DSCAM: variants seen among roughly 807,000 people sequenced by gnomAD.
DSCAM encodes the protein cell adhesion molecule DSCAM.
A neutral mutation model predicts 217.7 loss-of-function variants in DSCAM; 47 were observed. The ratio of observed to expected loss-of-function variants is 0.22; its 90% CI spans 0.17 to 0.28. The LOEUF (loss-of-function observed/expected upper bound fraction) is 0.28, where lower values mean the gene tolerates loss of function less well. Ranked by LOEUF, DSCAM falls within the 10% of genes least tolerant of loss-of-function variation. The pLI is 1.00. For synonymous variants in DSCAM, 1,056 were observed against 1,015.3 expected (o/e 1.04, Z -0.76); for missense variants, 2,080 against 2,618.3 (o/e 0.79, Z 4.49).
At chr21:40,363,864 A>G (rs1025295859) in intron 4 of DSCAM, among the ~76,000 whole-genome samples, 4 of 152,216 alleles carry the variant, frequency 2.6e-5, no homozygotes, top group South Asian at 2.1e-4. Context: ...ACAAGTGGGC[A>G]AAGGATATGA....
intron 27 of DSCAM, among the ~76,000 whole-genome samples, chr21:40,074,079 T>A (rs1274509010): frequency 6.6e-6 from 1 of 152,248 alleles, no homozygotes; most frequent in Non-Finnish European, 1.5e-5. Context: ...TACCATGTTC[T>A]CTGCTCTAAG....
rs191700838 is a variant in DSCAM at position 40,666,113 on chromosome 21, A to T, written c.508+26697T>A. Among the ~76,000 whole-genome samples the T allele has an allele frequency of 7.2e-5, 11 of 152,246 alleles. 1 individual carries two copies. In the South Asian group the frequency reaches 1.9e-3, roughly 26 times the overall value. On this transcript the variant is annotated intron_variant, in intron 3 of 32. Transcript: ENST00000400454. The stretch of plus-strand genomic sequence containing the variant: ...AACAATTTAATGGTAACCTGAGGAG[A>T]CCAACCACATCTCCAGCATGCCAGG...
intron 3 of DSCAM, among the ~76,000 whole-genome samples, chr21:40,528,512 T>C (rs2076417677): frequency 6.6e-6 from 1 of 152,204 alleles, no homozygotes; most frequent in South Asian, 2.1e-4. Flanking sequence ...TTCCAGTAAA[T>C]ACTGGATATT....
intron 3 of DSCAM, among the ~76,000 whole-genome samples, chr21:40,487,258 T>C (rs994099546): frequency 8.8e-5 from 13 of 147,418 alleles, no homozygotes; most frequent in East Asian, 2.0e-4. Flanking sequence ...TTTCTCTCCC[T>C]CTCTCTCTCT....
At chr21:40,585,325 G>T (rs2076937037) in intron 3 of DSCAM, among the ~76,000 whole-genome samples, 1 of 56,576 alleles carries the variant, frequency 1.8e-5, no homozygotes, top group Non-Finnish European at 4.4e-5. Flanking sequence ...GAGTGTTAAA[G>T]AAAAATGCTG....
rs2074144975 is a variant in DSCAM at position 40,312,097 on chromosome 21, G to C, written c.2046C>G (p.Ser682Arg). The C allele has an allele frequency of 6.2e-7, 1 of 1,613,880 alleles. No individual in the cohort carries two copies. The highest frequency in any genetic ancestry group is 8.5e-7 in the Non-Finnish European group (1 of 1,179,840). ...TTTGCTCACCTCTGACAATCAACTG[G>C]CTTTGGTGCTCCACAGCGGCGGCCT... is the stretch of plus-strand genomic sequence containing the variant. ...RNEAAAVEHQ[S>R]QLIVRVPPKF... Residue 682 changes from serine (S) to arginine (R), a missense_variant, in exon 9 of 33, where the codon AGC (serine) becomes AGG (arginine). Around this residue, in one of 5 missense-constraint regions of DSCAM, gnomAD observed 218 missense variants for 364.1 expected, o/e 0.60. Transcript: ENST00000400454.
In DSCAM at chr21:40,553,685, C is replaced by T. The variant is rs2837703; in HGVS notation, c.508+139125G>A. Among the ~76,000 whole-genome samples, 8 of 152,244 alleles carry T rather than the reference C, an allele frequency of 5.3e-5. No individual in the cohort carries two copies. In the East Asian group the frequency reaches 1.2e-3, roughly 22 times the overall value. ...CTCTTCATTCCCAAGATAACACATC[C>T]GTTTGCACCCAAAAGTATATTGCAA... On this transcript the variant is annotated intron_variant, in intron 3 of 32. Coordinates refer to ENST00000400454, the MANE Select transcript of DSCAM (RefSeq NM_001389.5).
At chr21:40,676,698 A>G (rs2090344083) in intron 3 of DSCAM, among the ~76,000 whole-genome samples, 1 of 152,204 alleles carries the variant, frequency 6.6e-6, no homozygotes, top group Admixed American at 6.5e-5. Context: ...GAATTTACTG[A>G]CCTTGAATAA....
intron 16 of DSCAM, among the ~76,000 whole-genome samples, chr21:40,157,268 C>T (rs1177607629): frequency 6.6e-6 from 1 of 152,190 alleles, no homozygotes. Context: ...ACTGCAGGGC[C>T]TACAAAGCTG....
intron 3 of DSCAM, among the ~76,000 whole-genome samples, chr21:40,552,766 T>A (rs554405902): frequency 3.0e-4 from 45 of 152,240 alleles, no homozygotes; most frequent in Non-Finnish European, 5.6e-4. Flanking sequence ...TATTTTCACC[T>A]ACCTTCATGA....
intron 3 of DSCAM, among the ~76,000 whole-genome samples, chr21:40,500,064 G>A (rs1048700103): frequency 4.6e-5 from 7 of 152,090 alleles, no homozygotes; most frequent in Admixed American, 1.3e-4. Flanking sequence ...CAGGCGTCAG[G>A]CGTGAGCCAC....
At chr21:40,529,432 T>G (rs2146105191) in intron 3 of DSCAM, among the ~76,000 whole-genome samples, 1 of 152,312 alleles carries the variant, frequency 6.6e-6, no homozygotes, top group South Asian at 2.1e-4. Context: ...TTGTGTTTAT[T>G]AGGAGCAACC....
In DSCAM at chr21:40,412,786, TG is replaced by T. The variant is rs2075335022; in HGVS notation, c.509-43542del. Among the ~76,000 whole-genome samples, 12 of 152,294 alleles carry T rather than the reference TG, an allele frequency of 7.9e-5. No individual in the cohort carries two copies. In the South Asian group the frequency reaches 2.5e-3, roughly 32 times the overall value. On this transcript the variant is annotated intron_variant, in intron 3 of 32. Transcript: ENST00000400454. Reference sequence around the variant, plus strand: ...TTTGAATAAGTAACTAGGAGCCAAATGTTAATCCCCAAGACAATGGGGAAAA... The same window carrying T: ...TTTGAATAAGTAACTAGGAGCCAAATTTAATCCCCAAGACAATGGGGAAAA...
intron 30 of DSCAM, among the ~76,000 whole-genome samples, chr21:40,047,884 A>C (rs529188738): frequency 4.6e-5 from 7 of 152,142 alleles, no homozygotes; most frequent in Non-Finnish European, 1.0e-4. Flanking sequence ...TTTTTCTTTC[A>C]AAGTCTCAGC....
At chr21:40,131,948 A>G (rs2090158424) in intron 19 of DSCAM, among the ~76,000 whole-genome samples, 1 of 152,216 alleles carries the variant, frequency 6.6e-6, no homozygotes, top group South Asian at 2.1e-4. Context: ...CTCCAATATT[A>G]ATTAAAAATT....
At chr21:40,698,534 C>T (rs1212706623) in intron 2 of DSCAM, among the ~76,000 whole-genome samples, 1 of 152,102 alleles carries the variant, frequency 6.6e-6, no homozygotes, top group Non-Finnish European at 1.5e-5. Context: ...GCTCTACCTG[C>T]CCTGGGTGTG....
chr21:40,448,048 C>T (rs2075689105), intron 3 of DSCAM, among the ~76,000 whole-genome samples: 1 of 152,168 alleles, frequency 6.6e-6, no homozygotes, highest in Admixed American at 6.6e-5. Flanking sequence ...GCTAACTTCC[C>T]TCAATAGGTC....
chr21:40,037,447 TCC>T (rs2088647820), intron 32 of DSCAM, among the ~76,000 whole-genome samples: 2 of 142,712 alleles, frequency 1.4e-5, no homozygotes, highest in African/African-American at 2.8e-5. Flanking sequence ...TACCTAGGAA[TCC>T]AACTTACAAG....
intron 3 of DSCAM, among the ~76,000 whole-genome samples, chr21:40,603,945 T>C (rs895874903): frequency 4.6e-5 from 5 of 109,682 alleles, no homozygotes; most frequent in East Asian, 5.3e-4. Flanking sequence ...TTTTTTTTTT[T>C]CTGAGCCTCT....
Sources: allele counts gnomAD v4.1 joint callset (sites outside exome capture counted in the v4.1 genomes callset), GRCh38; gene constraint gnomAD v4.1.1; regional missense constraint gnomAD v4.1.1; transcripts MANE v1.5; gene names NCBI Gene and HGNC (gene_info 2026-07-23, HGNC 2026-07-21).